Variants in CYREN observed in about 807,000 individuals in gnomAD.
CYREN encodes the protein cell cycle regulator of NHEJ.
In CYREN, 7 loss-of-function variants were observed where a neutral mutation model predicts 9.7. The observed-to-expected ratio is 0.72, with a 90% CI of 0.41 to 1.36. The LOEUF (loss-of-function observed/expected upper bound fraction) is 1.36. Ranked by LOEUF, CYREN falls within the 40% of genes most tolerant of loss-of-function variation. The probability of loss-of-function intolerance (pLI) is 0.01; values close to 1 mark genes in which losing one functional copy is unlikely to be tolerated. For synonymous variants in CYREN, 76 were observed against 77.9 expected, an observed-to-expected ratio of 0.98 and a Z score of 0.13; for missense variants, 215 against 198.1, an observed-to-expected ratio of 1.09 and a Z score of -0.51.
chr7:135,116,561 GA>G lies in CYREN; in HGVS notation n.357-21980del, dbSNP rs1219507150. 2.0e-5 allele frequency among the ~76,000 whole-genome samples: 3 copies of G among 152,276 alleles called. No homozygotes were observed. In the East Asian group the frequency reaches 5.8e-4, roughly 29 times the overall value. Reference sequence around the variant, plus strand: ...ACTTCATTTCTGTCCATTGAGTATGGAAATCTCGGCTCCCCATTTGGTTTCC... The same window carrying G: ...ACTTCATTTCTGTCCATTGAGTATGGAATCTCGGCTCCCCATTTGGTTTCC... On this transcript the variant is annotated intron_variant and non_coding_transcript_variant, in intron 2 of 2. Coordinates refer to the CYREN transcript ENST00000459937.
chr7:135,137,305 G>A (rs954666718), intron 2 of CYREN, among the ~76,000 whole-genome samples: 4 of 151,952 alleles, frequency 2.6e-5, no homozygotes, highest in African/African-American at 9.7e-5. Flanking sequence ...ACTGAGGAAA[G>A]AGTCAGTATG....
At chr7:135,148,969 G>A (rs1190869665) in intron 2 of CYREN, among the ~76,000 whole-genome samples, 2 of 152,016 alleles carry the variant, frequency 1.3e-5, no homozygotes, top group Non-Finnish European at 2.9e-5. Flanking sequence ...CTTTGAAAGA[G>A]GGAAAAGACA....
chr7:135,162,651 T>C (rs1829974520), downstream of CYREN, among the ~76,000 whole-genome samples: 1 of 152,150 alleles, frequency 6.6e-6, no homozygotes, highest in Non-Finnish European at 1.5e-5. Context: ...GAGTACAGTA[T>C]GGGGGAAACC....
At chr7:135,124,411 A>C (rs1282877742) in intron 2 of CYREN, among the ~76,000 whole-genome samples, 1 of 152,180 alleles carries the variant, frequency 6.6e-6, no homozygotes, top group Non-Finnish European at 1.5e-5. Flanking sequence ...GTTCTTAGAG[A>C]CCCAAAAAGA....
downstream of CYREN, chr7:135,165,126 G>C (rs758716406): frequency 1.6e-6 from 2 of 1,223,772 alleles, no homozygotes; most frequent in African/African-American, 3.1e-5. Flanking sequence ...AGAGGAGGTG[G>C]GGCCCCTGTG....
chr7:135,147,800 G>A (rs1829576982), intron 2 of CYREN: 1 of 456,084 alleles, frequency 2.2e-6, no homozygotes, highest in African/African-American at 2.0e-5. Flanking sequence ...TCCGGGTTGT[G>A]TTTATCTTGC....
Position 135,168,931 on chromosome 7 carries a change from C to CT in CYREN, c.-10dup. ...GATTGTAAGGTTTCCATCTCTGTAC[C>CT]TTCTCACAAAGAAGAGTCAGGGCCC... On this transcript the variant is annotated 5_prime_UTR_variant, in exon 2 of 4. Coordinates refer to ENST00000393114, the MANE Select transcript of CYREN (RefSeq NM_024033.4). 6.4e-7 allele frequency: 1 copy of CT among 1,574,092 alleles called. No individual in the cohort carries two copies. The highest frequency in any genetic ancestry group is 8.6e-7 in the Non-Finnish European group (1 of 1,160,610).
At chr7:135,144,084 T>C (rs1161312931) in intron 2 of CYREN, among the ~76,000 whole-genome samples, 1 of 152,170 alleles carries the variant, frequency 6.6e-6, no homozygotes, top group Non-Finnish European at 1.5e-5. Context: ...TTGAGGCTAA[T>C]GAGGCCAAGA....
chr7:135,139,087 T>C (rs1829406560), intron 2 of CYREN, among the ~76,000 whole-genome samples: 2 of 152,120 alleles, frequency 1.3e-5, no homozygotes, highest in Non-Finnish European at 2.9e-5. Context: ...TAGAACAATT[T>C]ATATTCCTTT....
chr7:135,121,235 C>T (rs1827089674), intron 2 of CYREN, among the ~76,000 whole-genome samples: 1 of 151,956 alleles, frequency 6.6e-6, no homozygotes, highest in Non-Finnish European at 1.5e-5. Flanking sequence ...CACAGAACTG[C>T]AAAATATGTG....
chr7:135,144,188 A>G (rs1055210730), intron 2 of CYREN, among the ~76,000 whole-genome samples: 33 of 152,142 alleles, frequency 2.2e-4, no homozygotes, highest in Admixed American at 6.5e-4. Context: ...CAGCTACTTC[A>G]TAGTGTGGAG....
Position 135,166,434 on chromosome 7 carries a change from C to G in CYREN, c.*177G>C. On this transcript the variant is annotated 3_prime_UTR_variant, in exon 4 of 4. Coordinates refer to ENST00000393114, the MANE Select transcript of CYREN (RefSeq NM_024033.4). The stretch of plus-strand genomic sequence containing the variant: ...TTCCGCACACTCAGAACGGCAGCCC[C>G]AAGGCCCGGAGTGTCCAGGGGCTTC... The G allele has an allele frequency of 3.1e-6, 3 of 977,894 alleles. No homozygotes were observed. Among genetic ancestry groups the G allele is most frequent in the South Asian group, 2.1e-5 (1 of 48,152 alleles). 60.6% of individuals were successfully genotyped at this position (977,894 alleles called of 1,614,324 possible).
chr7:135,147,932 G>C (rs1829580619), intron 2 of CYREN: 1 of 455,598 alleles, frequency 2.2e-6, no homozygotes, highest in African/African-American at 2.0e-5. Context: ...CTACAGTGTA[G>C]GTAAAGAGTA....
intron 2 of CYREN, chr7:135,168,291 A>ACCCACCCCCC (rs1830351085): frequency 1.6e-4 from 1 of 6,354 alleles, no homozygotes; most frequent in South Asian, 4.7e-3. Flanking sequence ...GAGACTCACC[A>ACCCACCCCCC]CCCCCCCCCC....
At chr7:135,163,590 A>G (rs1830004603), downstream of CYREN, among the ~76,000 whole-genome samples, 1 of 152,246 alleles carries the variant, frequency 6.6e-6, no homozygotes, top group African/African-American at 2.4e-5. Context: ...GATTGCAGTG[A>G]GCCAAGATCG....
At chr7:135,135,098 G>A (rs778046559) in intron 2 of CYREN, 1 of 1,551,222 alleles carries the variant, frequency 6.4e-7, no homozygotes, top group Non-Finnish European at 8.7e-7. Flanking sequence ...TCAAGCTTTG[G>A]AATGGATGCA....
At chr7:135,127,189 C>A (rs560572934) in intron 2 of CYREN, among the ~76,000 whole-genome samples, 1 of 151,756 alleles carries the variant, frequency 6.6e-6, no homozygotes, top group Admixed American at 6.5e-5. Context: ...ACAGACAACC[C>A]CATCAAAAAG....
intron 2 of CYREN, among the ~76,000 whole-genome samples, chr7:135,106,322 C>A (rs1182223938): frequency 6.6e-6 from 1 of 152,154 alleles, no homozygotes; most frequent in African/African-American, 2.4e-5. Context: ...AAGGGGAATG[C>A]TTCCAGCTTT....
chr7:135,170,322 C>G (rs1250501164), intron 1 of CYREN: 1 of 152,332 alleles, frequency 6.6e-6, no homozygotes, highest in Non-Finnish European at 1.5e-5. Context: ...ATGGGGGCCC[C>G]GCGGGAACGC....
Sources: allele counts gnomAD v4.1 joint callset (sites outside exome capture counted in the v4.1 genomes callset), GRCh38; gene constraint gnomAD v4.1.1; transcripts MANE v1.5; gene names NCBI Gene and HGNC (gene_info 2026-07-23, HGNC 2026-07-21).